WASF1: variants seen among roughly 807,000 people sequenced by gnomAD.
The protein encoded by WASF1 is actin-binding protein WASF1.
A neutral mutation model predicts 50.5 loss-of-function variants in WASF1; 7 were observed. The observed-to-expected ratio is 0.14, with a 90% CI of 0.08 to 0.26. The LOEUF is 0.26. WASF1 is among the 10% of genes least tolerant of loss of function. The pLI is 1.00. For missense variants in WASF1, 470 were observed against 694.7 expected (o/e 0.68, Z 3.64); for synonymous variants, 205 against 244.0 (o/e 0.84, Z 1.49).
chr6:110,116,408 C>T (rs1261484685), intron 4 of WASF1, among the ~76,000 whole-genome samples: 3 of 152,180 alleles, frequency 2.0e-5, no homozygotes, highest in African/African-American at 4.8e-5. Context: ...GCGGGTCCCA[C>T]GCCCACAGAG....
rs563141294 is a variant in WASF1, at chr6:110,145,703, A to T, written c.-29+14932T>A. 2.6e-5 allele frequency among the ~76,000 whole-genome samples: 4 copies of T among 152,280 alleles called. No homozygotes were observed. The South Asian group carries it at 8.3e-4, about 32-fold the overall frequency. On this transcript the variant is annotated intron_variant, in intron 3 of 10. Transcript: ENST00000392589. ...GAATTTTGTCAAAGGCCTTTTCTGCATCTATTGAGATAATCATGTGGTTTT... is the reference window on the plus strand; with the variant it reads ...GAATTTTGTCAAAGGCCTTTTCTGCTTCTATTGAGATAATCATGTGGTTTT...
At position 110,101,827 on chromosome 6, in the gene WASF1, G is replaced by C; in HGVS notation, c.1283C>G (p.Pro428Arg). The C allele has an allele frequency of 2.5e-6, 4 of 1,614,134 alleles. No individual in the cohort carries two copies. The highest frequency in any genetic ancestry group is 3.4e-6 in the Non-Finnish European group (4 of 1,180,016). Reference protein sequence around the residue: ...GEVQGLPPPPPPPPLPPPGIR... With the variant: ...GEVQGLPPPPRPPPLPPPGIR... Reference sequence around the variant, plus strand: ...GCCAGGTGGAGGCAGAGGAGGCGGTGGTGGGGGTGGAGGCAGCCCCTGAAC... The same window carrying C: ...GCCAGGTGGAGGCAGAGGAGGCGGTCGTGGGGGTGGAGGCAGCCCCTGAAC... The change falls in exon 10 of 11, where the codon CCA becomes CGA. Residue 428 changes from proline (P) to arginine (R), a missense_variant. Transcript: ENST00000392589.
In WASF1 at chr6:110,102,123, T is replaced by C. The variant is rs1210765270; in HGVS notation, c.987A>G (p.Pro329=). The C allele has an allele frequency of 4.7e-6, 7 of 1,485,838 alleles. No individual in the cohort carries two copies. In the South Asian group the frequency reaches 7.3e-5, roughly 15 times the overall value. 92.0% of individuals were successfully genotyped at this position (1,485,838 alleles called of 1,614,324 possible). A position where few individuals can be genotyped will look rare whatever the true frequency, so the allele number is the denominator to read the frequency against. Residue 329 remains proline, a synonymous_variant, in exon 10 of 11, where the codon CCA becomes CCG. Coordinates refer to ENST00000392589, the MANE Select transcript of WASF1 (RefSeq NM_003931.3). ...FVSPTPPPPP[P]PLPSALSTSS... ...AAGTTGACAAGGCAGATGGAAGAGG[T>C]GGTGGAGGAGGTGGGGGAGTGGGGC...
chr6:110,127,031 C>G (rs994162394), intron 4 of WASF1, among the ~76,000 whole-genome samples: 2 of 152,130 alleles, frequency 1.3e-5, no homozygotes, highest in Non-Finnish European at 2.9e-5. Flanking sequence ...CCCCATACCT[C>G]TCACCTTAGA....
At chr6:110,142,242 C>A (rs1345027362) in intron 3 of WASF1, among the ~76,000 whole-genome samples, 2 of 152,160 alleles carry the variant, frequency 1.3e-5, no homozygotes. Context: ...TATAAAATCA[C>A]ACACATTTTG....
At chr6:110,127,932 TTA>T (rs1774488023) in intron 3 of WASF1, among the ~76,000 whole-genome samples, 1 of 152,216 alleles carries the variant, frequency 6.6e-6, no homozygotes, top group East Asian at 1.9e-4. Flanking sequence ...TTTCTCTGGT[TTA>T]TTTTATTGTA....
chr6:110,127,053 A>T (rs1276820312), intron 4 of WASF1, among the ~76,000 whole-genome samples: 2 of 152,172 alleles, frequency 1.3e-5, no homozygotes, highest in Non-Finnish European at 2.9e-5. Context: ...CTTTGCTAAT[A>T]TAAAAATATT....
chr6:110,155,110 A>G (rs1776002584), intron 3 of WASF1, among the ~76,000 whole-genome samples: 2 of 151,978 alleles, frequency 1.3e-5, no homozygotes, highest in Admixed American at 6.6e-5. Context: ...AAATAATCAG[A>G]CTCTTTACAT....
intron 4 of WASF1, among the ~76,000 whole-genome samples, chr6:110,118,347 C>CAAAAAAAAAAAAAA (rs56948481): frequency 2.7e-4 from 2 of 7,496 alleles, no homozygotes; most frequent in Non-Finnish European, 5.1e-4. Context: ...AAACGGAAAG[C>CAAAAAAAAAAAAAA]AAAAAAAAAA....
intron 4 of WASF1, among the ~76,000 whole-genome samples, chr6:110,126,873 T>C (rs77801585): frequency 0.017 from 2,624 of 152,298 alleles, 72 homozygotes; most frequent in African/African-American, 0.059. Flanking sequence ...CTGGCCTTTA[T>C]TCTCTGGCCA....
At chr6:110,124,928 A>G (rs1774354563) in intron 4 of WASF1, among the ~76,000 whole-genome samples, 1 of 152,080 alleles carries the variant, frequency 6.6e-6, no homozygotes, top group South Asian at 2.1e-4. Flanking sequence ...AAAAAAAGGA[A>G]GTACATTTTT....
rs561647441 is a variant in WASF1, at chr6:110,128,877, T to C, written c.-28-1248A>G. Among the ~76,000 whole-genome samples the C allele has an allele frequency of 3.9e-5, 6 of 152,308 alleles. 1 individual carries two copies. Among genetic ancestry groups the C allele is most frequent in the African/African-American group, 1.2e-4 (5 of 41,576 alleles). On this transcript the variant is annotated intron_variant, in intron 3 of 10. Coordinates refer to ENST00000392589, the MANE Select transcript of WASF1 (RefSeq NM_003931.3). Reference sequence around the variant, plus strand: ...ATTCTCATAGGAGCACGAGGCCTATTGTGAACTGCACACGTGAGGGGTCTA... The same window carrying C: ...ATTCTCATAGGAGCACGAGGCCTATCGTGAACTGCACACGTGAGGGGTCTA...
At chr6:110,111,216 T>C (rs887039519) in intron 5 of WASF1, among the ~76,000 whole-genome samples, 1 of 152,104 alleles carries the variant, frequency 6.6e-6, no homozygotes, top group Non-Finnish European at 1.5e-5. Context: ...TGATAAGCAG[T>C]TGAGTTATCT....
intron 2 of WASF1, chr6:110,177,024 TCTTAAG>T (rs1415201134): frequency 6.6e-6 from 1 of 152,030 alleles, no homozygotes; most frequent in African/African-American, 2.4e-5. Context: ...GGAAAAGATA[TCTTAAG>T]TTATTCCTAA....
Position 110,138,664 on chromosome 6 carries a change from A to G in WASF1, c.-28-11035T>C, listed in dbSNP as rs116065230. Among the ~76,000 whole-genome samples the G allele has an allele frequency of 2.3e-3, 351 of 152,300 alleles. 1 individual carries two copies. Among genetic ancestry groups the G allele is most frequent in the African/African-American group, 8.2e-3 (340 of 41,576 alleles). On this transcript the variant is annotated intron_variant, in intron 3 of 10. Coordinates refer to ENST00000392589, the MANE Select transcript of WASF1 (RefSeq NM_003931.3). Reference sequence around the variant, plus strand: ...TCTTCTCCATAGGGAGGTTGTCCCAATGAGTTGAGGAGACCCAAAGTGGGT... The same window carrying G: ...TCTTCTCCATAGGGAGGTTGTCCCAGTGAGTTGAGGAGACCCAAAGTGGGT...
At chr6:110,121,670 G>A (rs759362072) in intron 4 of WASF1, among the ~76,000 whole-genome samples, 2 of 152,092 alleles carry the variant, frequency 1.3e-5, no homozygotes, top group South Asian at 2.1e-4. Flanking sequence ...TTGATCCAGC[G>A]ATCCCATTAC....
intron 2 of WASF1, among the ~76,000 whole-genome samples, chr6:110,165,555 A>T (rs1395122347): frequency 1.3e-5 from 2 of 151,584 alleles, no homozygotes; most frequent in Admixed American, 6.6e-5. Flanking sequence ...ATCTTTTCTC[A>T]CTCTACCTAC....
At chr6:110,165,833 T>C (rs927407965) in intron 2 of WASF1, among the ~76,000 whole-genome samples, 5 of 151,732 alleles carry the variant, frequency 3.3e-5, no homozygotes, top group Admixed American at 2.0e-4. Flanking sequence ...CAGAATCTGC[T>C]TTTTAACAAG....
chr6:110,117,437 T>A (rs1773863810), intron 4 of WASF1, among the ~76,000 whole-genome samples: 1 of 150,788 alleles, frequency 6.6e-6, no homozygotes, highest in Admixed American at 6.6e-5. Context: ...ATTAATGAAA[T>A]AAAACGAGAA....
Sources: allele counts gnomAD v4.1 joint callset (sites outside exome capture counted in the v4.1 genomes callset), GRCh38; gene constraint gnomAD v4.1.1; transcripts MANE v1.5; gene names NCBI Gene and HGNC (gene_info 2026-07-23, HGNC 2026-07-21).